RPH3AL: variants seen among roughly 807,000 people sequenced by gnomAD.
RPH3AL encodes the protein rab effector Noc2.
Under a neutral mutation model 43.1 loss-of-function variants are expected in RPH3AL, and 38 were observed. The ratio of observed to expected loss-of-function variants is 0.88; its 90% CI spans 0.68 to 1.15. The LOEUF (loss-of-function observed/expected upper bound fraction) is 1.15, where lower values mean the gene tolerates loss of function less well. Among genes scored for constraint, RPH3AL ranks in the 50% most tolerant of loss-of-function variants. The probability of loss-of-function intolerance (pLI) is 0.00; values close to 1 mark genes in which losing one functional copy is unlikely to be tolerated. For missense variants in RPH3AL, 462 were observed against 423.2 expected, an observed-to-expected ratio of 1.09 and a Z score of -0.81; for synonymous variants, 189 against 176.3, an observed-to-expected ratio of 1.07 and a Z score of -0.57.
chr17:272,943 ACCC>A (rs2042515335), intron 6 of RPH3AL, among the ~76,000 whole-genome samples: 1 of 45,362 alleles, frequency 2.2e-5, no homozygotes, highest in African/African-American at 6.7e-5. Context: ...TCAGGGAGAG[ACCC>A]CAGCAAGGGC....
chr17:315,271 A>C (rs2043941644), intron 5 of RPH3AL, among the ~76,000 whole-genome samples: 3 of 137,362 alleles, frequency 2.2e-5, no homozygotes, highest in African/African-American at 8.4e-5. Flanking sequence ...ACCTCCATTG[A>C]CCTGTAGTCC....
chr17:337,256 C>G (rs949969053), intron 1 of RPH3AL, among the ~76,000 whole-genome samples: 1 of 151,890 alleles, frequency 6.6e-6, no homozygotes, highest in East Asian at 1.9e-4. Context: ...TAGAACTACA[C>G]GCCTGGCTAA....
chr17:225,282 C>A lies in RPH3AL; in HGVS notation c.614-5546G>T, dbSNP rs2041083350. Among the ~76,000 whole-genome samples, 1 of 152,214 alleles carries A rather than the reference C, an allele frequency of 6.6e-6. No individual in the cohort carries two copies. Among genetic ancestry groups the A allele is most frequent in the Non-Finnish European group, 1.5e-5 (1 of 68,000 alleles). Reference sequence around the variant, plus strand: ...AAGAGGAGATGGGGATGGGGCATGGCTGTGGTCCGTGTGCCCTCTTCGTAG... The same window carrying A: ...AAGAGGAGATGGGGATGGGGCATGGATGTGGTCCGTGTGCCCTCTTCGTAG... On this transcript the variant is annotated intron_variant, in intron 7 of 9. Coordinates refer to ENST00000331302, the MANE Select transcript of RPH3AL (RefSeq NM_006987.4). The surrounding 1 kb of genome is among the most constrained non-coding windows in gnomAD (Gnocchi z 4.4).
chr17:278,371 G>A (rs1360004218), intron 6 of RPH3AL, among the ~76,000 whole-genome samples: 2 of 152,122 alleles, frequency 1.3e-5, no homozygotes, highest in Non-Finnish European at 2.9e-5. Context: ...CCAGTCTCAG[G>A]TATGTGTTTA....
At position 245,588 on chromosome 17, in the gene RPH3AL, T is replaced by A. The variant is rs139119621; in HGVS notation, c.613+1523A>T. 2.6e-5 allele frequency among the ~76,000 whole-genome samples: 4 copies of A among 152,168 alleles called. No homozygotes were observed. The highest frequency in any genetic ancestry group is 9.6e-5 in the African/African-American group (4 of 41,496). ...CTTCAGCCTCTCCGGCTCAACTGGC[T>A]CCAAGCAGCATTTTAAACCCACAGG... On this transcript the variant is annotated intron_variant, in intron 7 of 9. Coordinates refer to ENST00000331302, the MANE Select transcript of RPH3AL (RefSeq NM_006987.4). The surrounding 1 kb of genome is among the most constrained non-coding windows in gnomAD (Gnocchi z 5.9).
chr17:267,555 T>A lies in RPH3AL; in HGVS notation c.438+14213A>T, dbSNP rs1040379064. On this transcript the variant is annotated intron_variant, in intron 6 of 9. Transcript: ENST00000331302. ...GTTCTCCCAAGCCAAAGTGAAACCC[T>A]GTCTGGGCTGACCCCAATCGGCAGG... 1.8e-4 allele frequency among the ~76,000 whole-genome samples: 27 copies of A among 152,354 alleles called. No individual in the cohort carries two copies. In the East Asian group the frequency reaches 1.9e-3, roughly 11 times the overall value.
At chr17:342,015 A>C (rs2045132475) in intron 1 of RPH3AL, among the ~76,000 whole-genome samples, 1 of 152,216 alleles carries the variant, frequency 6.6e-6, no homozygotes, top group African/African-American at 2.4e-5. Context: ...ACAACTCAAC[A>C]ACAAAATGAC....
intron 5 of RPH3AL, among the ~76,000 whole-genome samples, chr17:294,555 T>C (rs1394290402): frequency 1.3e-5 from 2 of 148,394 alleles, no homozygotes; most frequent in African/African-American, 2.5e-5. Flanking sequence ...CACATCAGTG[T>C]GGGAGGGACA....
At chr17:285,538 G>C (rs533009136) in intron 5 of RPH3AL, among the ~76,000 whole-genome samples, 10 of 152,266 alleles carry the variant, frequency 6.6e-5, no homozygotes, top group East Asian at 5.8e-4. Flanking sequence ...AGTCCCACAC[G>C]ATCTAATACG....
intron 2 of RPH3AL, among the ~76,000 whole-genome samples, chr17:329,890 C>T (rs2044709553): frequency 6.6e-6 from 1 of 152,208 alleles, no homozygotes; most frequent in South Asian, 2.1e-4. Flanking sequence ...TTTGATATTG[C>T]ACCCAAACTC....
intron 5 of RPH3AL, among the ~76,000 whole-genome samples, chr17:300,987 G>A (rs1408067200): frequency 1.3e-5 from 2 of 152,282 alleles, no homozygotes; most frequent in East Asian, 1.9e-4. Context: ...GCCTCACAGT[G>A]AGGCTGGGCC....
At position 328,205 on chromosome 17, in the gene RPH3AL, G is replaced by A. The variant is rs1320867481; in HGVS notation, c.-36-626C>T. ...TGGCACCTGGGGATCCCCCAGGGAG[G>A]TGGCCCTGCTCCAGGACCCCCTGAG... On this transcript the variant is annotated intron_variant, in intron 2 of 9. Coordinates refer to ENST00000331302, the MANE Select transcript of RPH3AL (RefSeq NM_006987.4). The surrounding 1 kb of genome is among the most constrained non-coding windows in gnomAD (Gnocchi z 4.2). Among the ~76,000 whole-genome samples the A allele has an allele frequency of 2.0e-5, 3 of 151,802 alleles. No homozygotes were observed. Among genetic ancestry groups the A allele is most frequent in the African/African-American group, 7.3e-5 (3 of 41,312 alleles).
chr17:269,555 A>T (rs1394436093), intron 6 of RPH3AL, among the ~76,000 whole-genome samples: 1 of 152,214 alleles, frequency 6.6e-6, no homozygotes, highest in Non-Finnish European at 1.5e-5. Flanking sequence ...AGGAAGACGC[A>T]TCCGGCTTCA....
At position 333,392 on chromosome 17, in the gene RPH3AL, A is replaced by G; in HGVS notation, c.-37+367T>C. 2 of 893,018 alleles carry G rather than the reference A, an allele frequency of 2.2e-6. No homozygotes were observed. The highest frequency in any genetic ancestry group is 3.1e-6 in the Non-Finnish European group (2 of 648,460). The allele number at this position is 893,018 out of a possible 1,614,324, so 55.3% of individuals were successfully genotyped here. A position where few individuals can be genotyped will look rare whatever the true frequency, so the allele number is the denominator to read the frequency against. ...TAACACCTTAATGTAGCACCTTCCAACTTTTCCTGGGCATTTATGTACAAA... is the reference window on the plus strand; with the variant it reads ...TAACACCTTAATGTAGCACCTTCCAGCTTTTCCTGGGCATTTATGTACAAA... On this transcript the variant is annotated intron_variant, in intron 2 of 9. Transcript: ENST00000331302. This position sits in a 1 kb window ranked among gnomAD's most constrained non-coding sequence, Gnocchi z 4.5.
chr17:272,213 T>C (rs184226121), intron 6 of RPH3AL, among the ~76,000 whole-genome samples: 6 of 152,174 alleles, frequency 3.9e-5, no homozygotes, highest in African/African-American at 1.2e-4. Context: ...CTCAGGGATC[T>C]AGAACTAGAA....
chr17:286,449 G>T (rs1159328470), intron 5 of RPH3AL, among the ~76,000 whole-genome samples: 1 of 149,314 alleles, frequency 6.7e-6, no homozygotes, highest in African/African-American at 2.5e-5. Flanking sequence ...GGGGGCAGGG[G>T]GCGTTCCTAA....
Position 321,176 on chromosome 17 carries a change from C to A in RPH3AL, c.221+96G>T, listed in dbSNP as rs181777399. 123 of 1,463,366 alleles carry A rather than the reference C, an allele frequency of 8.4e-5. No homozygotes were observed. In the African/African-American group the frequency reaches 1.5e-3, roughly 18 times the overall value. The allele number at this position is 1,463,366 out of a possible 1,614,324, so 90.6% of individuals were successfully genotyped here. On this transcript the variant is annotated intron_variant, in intron 4 of 9. Coordinates refer to ENST00000331302, the MANE Select transcript of RPH3AL (RefSeq NM_006987.4). ...CTCACCCACTCCCAGAGGTAAATAG[C>A]AAAACCAGGACCCGGAGTGCCGGCC...
At chr17:219,329 G>A (rs914376113) in intron 8 of RPH3AL, among the ~76,000 whole-genome samples, 2 of 145,302 alleles carry the variant, frequency 1.4e-5, no homozygotes, top group African/African-American at 2.6e-5. Context: ...CTCCCAAGTA[G>A]CTGGGATTAC....
intron 5 of RPH3AL, among the ~76,000 whole-genome samples, chr17:317,444 AT>A (rs2044309923): frequency 7.5e-4 from 61 of 81,878 alleles, no homozygotes; most frequent in Non-Finnish European, 1.1e-3. Context: ...CCTGTAGTCC[AT>A]GTGCCCCCAC....
Sources: gnomAD v4.1 joint callset for allele counts (sites outside exome capture counted in the v4.1 genomes callset) on GRCh38, gnomAD v4.1.1 for gene constraint, Gnocchi (gnomAD v3.1) non-coding constraint, MANE v1.5 for transcripts, NCBI Gene and HGNC (gene_info 2026-07-23, HGNC 2026-07-21) for gene names.